GRM5: variants seen among roughly 807,000 people sequenced by gnomAD.
The protein encoded by GRM5 is metabotropic glutamate receptor 5.
In GRM5, 19 loss-of-function variants were observed where a neutral mutation model predicts 83.1. That is an observed-to-expected ratio of 0.23 (90% confidence interval 0.16 to 0.34). The LOEUF (loss-of-function observed/expected upper bound fraction) is 0.34. GRM5 is among the 10% of genes least tolerant of loss of function. GRM5 has a pLI of 1.00. For missense variants in GRM5, 1,160 were observed against 1,588.3 expected (o/e 0.73, Z 4.58); for synonymous variants, 675 against 633.6 (o/e 1.07, Z -0.98).
At chr11:88,985,584 C>G (rs888657836) in intron 2 of GRM5, among the ~76,000 whole-genome samples, 9 of 152,114 alleles carry the variant, frequency 5.9e-5, no homozygotes, top group African/African-American at 2.2e-4. Context: ...AAGTCCTAAT[C>G]ATACCAAGAA....
At chr11:88,834,922 T>A (rs2135524025) in intron 3 of GRM5, among the ~76,000 whole-genome samples, 1 of 152,294 alleles carries the variant, frequency 6.6e-6, no homozygotes, top group East Asian at 1.9e-4. Flanking sequence ...ATCCTGCCTT[T>A]TACTTAGGCT....
intron 3 of GRM5, among the ~76,000 whole-genome samples, chr11:88,766,004 T>C (rs1323234771): frequency 1.3e-5 from 2 of 151,588 alleles, no homozygotes; most frequent in Non-Finnish European, 3.0e-5. Flanking sequence ...AAAATCACTC[T>C]GATTCAAAAA....
chr11:88,905,958 G>A (rs1158711331), intron 2 of GRM5, among the ~76,000 whole-genome samples: 2 of 151,998 alleles, frequency 1.3e-5, no homozygotes, highest in African/African-American at 2.4e-5. Context: ...AAACAGGAGG[G>A]GAAGTCAGAA....
chr11:88,949,432 C>T (rs769950859), intron 2 of GRM5, among the ~76,000 whole-genome samples: 3 of 152,272 alleles, frequency 2.0e-5, no homozygotes, highest in Non-Finnish European at 4.4e-5. Context: ...CATTGTGTGT[C>T]GTTTTGAAAT....
chr11:88,774,635 G>C (rs1381050722), intron 3 of GRM5, among the ~76,000 whole-genome samples: 1 of 152,166 alleles, frequency 6.6e-6, no homozygotes, highest in African/African-American at 2.4e-5. Flanking sequence ...TCAATACCTA[G>C]TTTACTGAGA....
intron 7 of GRM5, among the ~76,000 whole-genome samples, chr11:88,575,361 T>C (rs147615550): frequency 1.3e-5 from 2 of 152,214 alleles, no homozygotes; most frequent in South Asian, 4.1e-4. Context: ...TAATTAGATA[T>C]GTTAACTTTC....
Position 88,508,941 on chromosome 11 carries a change from T to G in GRM5, c.3290A>C (p.Tyr1097Ser), listed in dbSNP as rs377596294. The stretch of plus-strand genomic sequence containing the variant: ...CAACTGGATCTCTTTGGGGATCAGG[T>G]AGGACGAGCAGAGCGGGGCGCCGAC... ...PGVGAPLCSSYLIPKEIQLPT... is the reference protein window; with the variant it reads ...PGVGAPLCSSSLIPKEIQLPT... Residue 1097 changes from tyrosine to serine, a missense_variant, in exon 10 of 10, where the codon TAC becomes TCC. Around this residue, in one of 9 missense-constraint regions of GRM5, gnomAD observed 562 missense variants for 532.4 expected, o/e 1.06. Coordinates refer to ENST00000305447, the MANE Select transcript of GRM5 (RefSeq NM_001143831.3). The surrounding 1 kb of genome is among the most constrained non-coding windows in gnomAD (Gnocchi z 4.2). The G allele has an allele frequency of 6.3e-7, 1 of 1,598,162 alleles. No individual in the cohort carries two copies. The highest frequency in any genetic ancestry group is 1.3e-5 in the African/African-American group (1 of 74,496).
At chr11:88,909,276 A>G (rs546434693) in intron 2 of GRM5, among the ~76,000 whole-genome samples, 1 of 152,196 alleles carries the variant, frequency 6.6e-6, no homozygotes, top group Admixed American at 6.6e-5. Context: ...TCTAAAACTT[A>G]TCGTACATGT....
intron 3 of GRM5, among the ~76,000 whole-genome samples, chr11:88,733,207 A>T (rs1440096560): frequency 2.0e-5 from 3 of 152,044 alleles, no homozygotes; most frequent in Admixed American, 2.0e-4. Context: ...AAACAAATTC[A>T]GCTTAGCTTA....
chr11:88,753,755 G>A (rs183203195), intron 3 of GRM5, among the ~76,000 whole-genome samples: 2 of 152,134 alleles, frequency 1.3e-5, no homozygotes, highest in Non-Finnish European at 2.9e-5. Flanking sequence ...GATGATATAG[G>A]CATTCCCGAG....
intron 4 of GRM5, among the ~76,000 whole-genome samples, chr11:88,607,290 C>G (rs1214808839): frequency 1.3e-5 from 2 of 152,184 alleles, no homozygotes; most frequent in Non-Finnish European, 2.9e-5. Context: ...CCAAGTCAAA[C>G]ACTTTTGAAT....
chr11:88,890,098 C>G (rs1032149292), intron 2 of GRM5, among the ~76,000 whole-genome samples: 11 of 131,126 alleles, frequency 8.4e-5, no homozygotes, highest in Non-Finnish European at 1.8e-4. Context: ...TCTTGGCCAC[C>G]TGAAAGATAT....
chr11:88,786,540 G>A (rs775089689), intron 3 of GRM5, among the ~76,000 whole-genome samples: 21 of 151,944 alleles, frequency 1.4e-4, no homozygotes, highest in Non-Finnish European at 2.6e-4. Flanking sequence ...TGCTACTTGC[G>A]CAATGTGTGG....
intron 2 of GRM5, among the ~76,000 whole-genome samples, chr11:88,979,587 CT>C (rs546428273): frequency 6.6e-4 from 101 of 152,118 alleles, no homozygotes; most frequent in Middle Eastern, 3.4e-3. Flanking sequence ...ATGCCATTTG[CT>C]TTTTTTCAGG....
At chr11:88,557,063 G>A (rs573115312) in intron 8 of GRM5, among the ~76,000 whole-genome samples, 1 of 152,210 alleles carries the variant, frequency 6.6e-6, no homozygotes, top group Non-Finnish European at 1.5e-5. Context: ...AGCAATGTTG[G>A]AATGAAAAAG....
chr11:88,557,975 T>C (rs1052095553), intron 8 of GRM5, among the ~76,000 whole-genome samples: 8 of 152,124 alleles, frequency 5.3e-5, no homozygotes, highest in African/African-American at 1.9e-4. Flanking sequence ...TTCTGATTTC[T>C]CTGTGCATTT....
chr11:88,890,698 A>G (rs1307826830), intron 2 of GRM5, among the ~76,000 whole-genome samples: 1 of 152,112 alleles, frequency 6.6e-6, no homozygotes, highest in Non-Finnish European at 1.5e-5. Flanking sequence ...TTTTCAGATA[A>G]GTAAGGCCTG....
chr11:88,988,763 C>T (rs2080965157), intron 2 of GRM5, among the ~76,000 whole-genome samples: 1 of 148,284 alleles, frequency 6.7e-6, no homozygotes, highest in Non-Finnish European at 1.5e-5. Context: ...CCAAACTAAG[C>T]TTCATAAGTG....
chr11:88,930,203 G>C (rs1444895359), intron 2 of GRM5, among the ~76,000 whole-genome samples: 1 of 151,888 alleles, frequency 6.6e-6, no homozygotes, highest in East Asian at 1.9e-4. Flanking sequence ...GAGGACAGGA[G>C]ATTGAGACCA....
Sources: allele counts gnomAD v4.1 joint callset (sites outside exome capture counted in the v4.1 genomes callset), GRCh38; gene constraint gnomAD v4.1.1; regional missense constraint gnomAD v4.1.1; non-coding constraint Gnocchi (gnomAD v3.1); transcripts MANE v1.5; gene names NCBI Gene and HGNC (gene_info 2026-07-23, HGNC 2026-07-21).